Variants in EXT1 observed in about 807,000 individuals in gnomAD.
EXT1 encodes exostosin glycosyltransferase 1, also known as exostosin-1.
EXT1 carries 20 observed loss-of-function variants against 82.5 expected under a neutral mutation model. The observed-to-expected ratio is 0.24, with a 90% confidence interval of 0.17 to 0.35. EXT1 has a LOEUF of 0.35. Among genes scored for constraint, EXT1 ranks in the 10% least tolerant of loss-of-function variants. The pLI is 1.00. For missense variants in EXT1, 757 were observed against 936.5 expected, an observed-to-expected ratio of 0.81 and a Z score of 2.50; for synonymous variants, 348 against 350.8, an observed-to-expected ratio of 0.99 and a Z score of 0.09.
intron 1 of EXT1, among the ~76,000 whole-genome samples, chr8:118,108,839 C>G (rs1311484155): frequency 6.6e-6 from 1 of 152,160 alleles, no homozygotes; most frequent in Non-Finnish European, 1.5e-5. Flanking sequence ...ATCAGGTTTG[C>G]GAAACATTTC....
At chr8:117,840,334 C>T (rs760439222) in intron 1 of EXT1, among the ~76,000 whole-genome samples, 26 of 152,192 alleles carry the variant, frequency 1.7e-4, no homozygotes, top group Admixed American at 2.6e-4. Flanking sequence ...AGAGAACCAC[C>T]GGGCATGGTG....
At chr8:117,969,269 A>C (rs1009179603) in intron 1 of EXT1, among the ~76,000 whole-genome samples, 2 of 152,246 alleles carry the variant, frequency 1.3e-5, no homozygotes, top group Non-Finnish European at 2.9e-5. Flanking sequence ...AGAGAAATTG[A>C]AAATAATAAA....
chr8:118,071,076 T>C (rs1817082749), intron 1 of EXT1, among the ~76,000 whole-genome samples: 1 of 152,200 alleles, frequency 6.6e-6, no homozygotes, highest in Non-Finnish European at 1.5e-5. Flanking sequence ...ATAGTTAAGC[T>C]GTGAAAGTGA....
At position 117,822,606 on chromosome 8, in the gene EXT1, T is replaced by C. The variant is rs761040629; in HGVS notation, c.1285-9A>G. Reference sequence around the variant, plus strand: ...ATTCTGTCCTGAATAATCTAGAAAATAAAACATAGCACACAGTGAGGATGA... The same window carrying C: ...ATTCTGTCCTGAATAATCTAGAAAACAAAACATAGCACACAGTGAGGATGA... On this transcript the variant is annotated splice_polypyrimidine_tract_variant and intron_variant, in intron 4 of 10. Transcript: ENST00000378204. 3.7e-6 allele frequency: 6 copies of C among 1,611,742 alleles called. No homozygotes were observed. In the East Asian group the frequency reaches 1.1e-4, roughly 30 times the overall value.
intron 1 of EXT1, among the ~76,000 whole-genome samples, chr8:118,057,559 G>A (rs1275122948): frequency 6.6e-6 from 1 of 151,126 alleles, no homozygotes. Flanking sequence ...TAAAAAAAAA[G>A]AAAAAGAAAA....
At chr8:118,072,080 T>G (rs1817104443) in intron 1 of EXT1, among the ~76,000 whole-genome samples, 1 of 152,198 alleles carries the variant, frequency 6.6e-6, no homozygotes, top group African/African-American at 2.4e-5. Context: ...GAATTTATCA[T>G]TACTCACTTT....
At chr8:117,902,700 G>A (rs1813472403) in intron 1 of EXT1, among the ~76,000 whole-genome samples, 1 of 152,196 alleles carries the variant, frequency 6.6e-6, no homozygotes, top group Non-Finnish European at 1.5e-5. Flanking sequence ...GTGCAAAGAG[G>A]AAAGAGGATC....
At chr8:117,939,684 G>A (rs1282907742) in intron 1 of EXT1, among the ~76,000 whole-genome samples, 1 of 152,058 alleles carries the variant, frequency 6.6e-6, no homozygotes, top group African/African-American at 2.4e-5. Flanking sequence ...TGACTTCAAG[G>A]CCCTCTAACT....
intron 1 of EXT1, among the ~76,000 whole-genome samples, chr8:117,966,594 T>C (rs746023539): frequency 1.3e-5 from 2 of 152,186 alleles, no homozygotes; most frequent in Non-Finnish European, 2.9e-5. Context: ...ATATACTAAG[T>C]CTGGCGTATC....
rs540234097 is a variant in EXT1 at position 117,933,390 on chromosome 8, C to T, written c.963-96189G>A. On this transcript the variant is annotated intron_variant, in intron 1 of 10. Transcript: ENST00000378204. The stretch of plus-strand genomic sequence containing the variant: ...GCCTCCTGAGTAGCTGGATTACAGG[C>T]GCACACCATCACGCCCAGCTAATTT... Among the ~76,000 whole-genome samples, 131 of 152,128 alleles carry T rather than the reference C, an allele frequency of 8.6e-4. 1 individual carries two copies. The highest frequency in any genetic ancestry group is 1.6e-3 in the African/African-American group (66 of 41,504).
intron 1 of EXT1, among the ~76,000 whole-genome samples, chr8:117,860,161 A>AAAAAAAAAAAAAC: frequency 6.6e-6 from 1 of 151,612 alleles, no homozygotes. Context: ...AAAAAAAAAA[A>AAAAAAAAAAAAAC]AAAAAAAAAT....
Position 117,871,797 on chromosome 8 carries a change from C to T in EXT1, c.963-34596G>A, listed in dbSNP as rs576196946. ...TTCCACAGTATCCCCTAGGGTAGGG[C>T]TGGGGTGGGCACGGTTGCCTGGGGC... On this transcript the variant is annotated intron_variant, in intron 1 of 10. Coordinates refer to ENST00000378204, the MANE Select transcript of EXT1 (RefSeq NM_000127.3). 3.9e-5 allele frequency among the ~76,000 whole-genome samples: 6 copies of T among 152,126 alleles called. No homozygotes were observed. In the South Asian group the frequency reaches 8.3e-4, roughly 21 times the overall value.
chr8:118,007,771 G>A (rs1815809647), intron 1 of EXT1, among the ~76,000 whole-genome samples: 1 of 152,182 alleles, frequency 6.6e-6, no homozygotes, highest in Non-Finnish European at 1.5e-5. Flanking sequence ...AGATGACACA[G>A]AGCTGGAAGA....
At chr8:117,881,936 A>G (rs1563589634) in intron 1 of EXT1, among the ~76,000 whole-genome samples, 1 of 152,196 alleles carries the variant, frequency 6.6e-6, no homozygotes, top group Non-Finnish European at 1.5e-5. Context: ...TCCTGGATAG[A>G]GTAGCTTCTA....
intron 1 of EXT1, among the ~76,000 whole-genome samples, chr8:118,075,395 G>T (rs17477049): frequency 0.057 from 8,631 of 152,248 alleles, 784 homozygotes; most frequent in African/African-American, 0.19. Context: ...AGGATACATA[G>T]CAGGAGGAGT....
rs983742900 is a variant in EXT1 at position 118,091,799 on chromosome 8, A to G, written c.962+18286T>C. On this transcript the variant is annotated intron_variant, in intron 1 of 10. Coordinates refer to ENST00000378204, the MANE Select transcript of EXT1 (RefSeq NM_000127.3). ...TCTCCCTCTCTCTCTCTATATATAT[A>G]TGTATCTTCTAAACTTACTTTTTCT... Among the ~76,000 whole-genome samples, 5 of 103,256 alleles carry G rather than the reference A, an allele frequency of 4.8e-5. 1 individual carries two copies. Among genetic ancestry groups the G allele is most frequent in the South Asian group, 3.3e-4 (1 of 3,052 alleles). 67.7% of individuals were successfully genotyped at this position (103,256 alleles called of 152,430 possible).
Position 117,815,799 on chromosome 8 carries a change from G to A in EXT1, c.1632+2636C>T, listed in dbSNP as rs549515878. Among the ~76,000 whole-genome samples the A allele has an allele frequency of 8.5e-5, 13 of 152,142 alleles. No homozygotes were observed. The South Asian group carries it at 1.0e-3, about 12-fold the overall frequency. On this transcript the variant is annotated intron_variant, in intron 7 of 10. Coordinates refer to ENST00000378204, the MANE Select transcript of EXT1 (RefSeq NM_000127.3). ...CACAAAATTAGCCAGGCTTGGTGGC[G>A]CATGCCTGTAGTTCCAGCTACTGAG... is the stretch of plus-strand genomic sequence containing the variant.
chr8:117,937,770 G>C (rs943857723), intron 1 of EXT1, among the ~76,000 whole-genome samples: 2 of 152,230 alleles, frequency 1.3e-5, no homozygotes, highest in African/African-American at 4.8e-5. Flanking sequence ...GATTCAGTGA[G>C]AGAGAAGGAG....
At chr8:118,031,002 T>C (rs1816305059) in intron 1 of EXT1, among the ~76,000 whole-genome samples, 1 of 152,128 alleles carries the variant, frequency 6.6e-6, no homozygotes, top group Non-Finnish European at 1.5e-5. Context: ...AGAAGGAGCA[T>C]ACAAATTCTT....
Sources: allele counts gnomAD v4.1 joint callset (sites outside exome capture counted in the v4.1 genomes callset), GRCh38; gene constraint gnomAD v4.1.1; transcripts MANE v1.5; gene names NCBI Gene and HGNC (gene_info 2026-07-23, HGNC 2026-07-21).